The following PRDM1 variants were observed in gnomAD, a reference collection of about 807,000 sequenced individuals.
PRDM1 encodes PR/SET domain 1.
Under a neutral mutation model 62.8 loss-of-function variants are expected in PRDM1, and 13 were observed. The observed-to-expected ratio is 0.21, with a 90% CI of 0.13 to 0.33. The LOEUF (loss-of-function observed/expected upper bound fraction) is 0.33. Among genes scored for constraint, PRDM1 ranks in the 10% least tolerant of loss-of-function variants. The pLI, the probability that PRDM1 is intolerant of heterozygous loss-of-function variation, is 1.00. For missense variants in PRDM1, 895 were observed against 1,058.8 expected (o/e 0.85, Z 2.15); for synonymous variants, 396 against 417.6 (o/e 0.95, Z 0.63).
At chr6:106,087,659 C>T (rs923429576) in intron 1 of PRDM1, 3 of 232,560 alleles carry the variant, frequency 1.3e-5, no homozygotes, top group African/African-American at 2.2e-5. Context: ...AGTTGTTTTG[C>T]GTTGGGAGCT....
rs151256132 is a variant in PRDM1, at chr6:106,016,772, C to T, written c.-67+23133C>T. ...CAAGCGATTCTCCTGCCTCAGCCCC[C>T]GAGTGTCTGTGATAACAGGTGTGCG... is the stretch of plus-strand genomic sequence containing the variant. On this transcript the variant is annotated intron_variant, in intron 1 of 6. Transcript: ENST00000652320. 4.7e-3 allele frequency among the ~76,000 whole-genome samples: 717 copies of T among 152,034 alleles called. 10 individuals are homozygous for T. The highest frequency in any genetic ancestry group is 0.016 in the African/African-American group (673 of 41,438).
intron 4 of PRDM1, among the ~76,000 whole-genome samples, chr6:106,103,231 T>A (rs560725324): frequency 2.3e-4 from 35 of 152,196 alleles, no homozygotes; most frequent in African/African-American, 8.2e-4. Flanking sequence ...GGAGATAACA[T>A]TCTCTAAGGG....
upstream of PRDM1, chr6:106,046,092 G>C (rs923955798): frequency 3.3e-5 from 5 of 151,356 alleles, no homozygotes; most frequent in East Asian, 7.7e-4. Flanking sequence ...AGAGAAGAAG[G>C]GAAAAAAAAA....
intron 1 of PRDM1, among the ~76,000 whole-genome samples, chr6:106,039,339 A>C (rs896027897): frequency 6.6e-6 from 1 of 152,194 alleles, no homozygotes; most frequent in Non-Finnish European, 1.5e-5. Context: ...CAAGAGTATA[A>C]AACTATATTT....
intron 1 of PRDM1, among the ~76,000 whole-genome samples, chr6:106,042,117 T>C (rs1773005625): frequency 1.3e-5 from 2 of 151,304 alleles, no homozygotes; most frequent in South Asian, 4.2e-4. Context: ...CCCTTCATTA[T>C]ATATTTTGTA....
chr6:106,064,545 T>G (rs1051805626), intron 1 of PRDM1, among the ~76,000 whole-genome samples: 4 of 152,306 alleles, frequency 2.6e-5, no homozygotes, highest in African/African-American at 7.2e-5. Context: ...AGTGCAAGAA[T>G]GAGTACTTGT....
In PRDM1 at chr6:106,105,325, T is replaced by G. The variant is rs1297181071; in HGVS notation, c.1165T>G (p.Tyr389Asp). 6.2e-7 allele frequency: 1 copy of G among 1,612,914 alleles called. No individual in the cohort carries two copies. Among genetic ancestry groups the G allele is most frequent in the East Asian group, 2.2e-5 (1 of 44,842 alleles). ...ASYGTEGLGS[Y>D]PGYAPLPHLP... is the part of the protein sequence containing the mutation. ...CTACGGCACGGAAGGTTTGGGCTCC[T>G]ACCCTGGCTACGCACCCCTGCCCCA... The change falls in exon 5 of 7, where the codon TAC (tyrosine) becomes GAC (aspartate). Residue 389 changes from tyrosine to aspartate, a missense_variant. Coordinates refer to ENST00000369096, the MANE Select transcript of PRDM1 (RefSeq NM_001198.4).
chr6:106,047,306 A>G (rs1031161493), upstream of PRDM1, among the ~76,000 whole-genome samples: 5 of 152,232 alleles, frequency 3.3e-5, no homozygotes. Flanking sequence ...AGTTTATACA[A>G]TTTCTTGAGT....
intron 1 of PRDM1, among the ~76,000 whole-genome samples, chr6:106,018,534 TTTC>T (rs549466781): frequency 1.3e-3 from 192 of 152,376 alleles, no homozygotes; most frequent in African/African-American, 4.6e-3. Context: ...ATGGTCATGT[TTTC>T]TTCAGACTCT....
At chr6:106,097,558 T>C (rs763642335) in intron 3 of PRDM1, among the ~76,000 whole-genome samples, 1 of 152,224 alleles carries the variant, frequency 6.6e-6, no homozygotes, top group Non-Finnish European at 1.5e-5. Flanking sequence ...ACCAGTGACA[T>C]TTCTTGTAAC....
At chr6:106,011,556 T>G (rs1490643551) in intron 1 of PRDM1, among the ~76,000 whole-genome samples, 1 of 151,930 alleles carries the variant, frequency 6.6e-6, no homozygotes, top group Non-Finnish European at 1.5e-5. Context: ...CACTATACCC[T>G]CCTCCCTGAG....
chr6:106,098,933 C>G (rs1774188999), intron 3 of PRDM1: 1 of 1,521,442 alleles, frequency 6.6e-7, no homozygotes, highest in African/African-American at 1.4e-5. Flanking sequence ...ATAATCGGAA[C>G]TGAAGTCAGT....
intron 1 of PRDM1, among the ~76,000 whole-genome samples, chr6:106,066,357 G>C (rs1160707253): frequency 6.6e-6 from 1 of 152,050 alleles, no homozygotes; most frequent in Non-Finnish European, 1.5e-5. Context: ...AGGAGGGCTC[G>C]GTCACGTCAG....
chr6:106,012,769 C>G (rs180996502), intron 1 of PRDM1, among the ~76,000 whole-genome samples: 16 of 152,334 alleles, frequency 1.1e-4, no homozygotes, highest in Admixed American at 9.8e-4. Context: ...AGAGCGGAAC[C>G]TGAGTGATAC....
At position 106,086,514 on chromosome 6, in the gene PRDM1, A is replaced by C; in HGVS notation, c.-40A>C. 6.5e-7 allele frequency: 1 copy of C among 1,539,778 alleles called. No homozygotes were observed. The highest frequency in any genetic ancestry group is 1.2e-5 in the South Asian group (1 of 83,042). On this transcript the variant is annotated 5_prime_UTR_variant, in exon 1 of 7. Coordinates refer to ENST00000369096, the MANE Select transcript of PRDM1 (RefSeq NM_001198.4). ...GCTCAGCCTGGCGGGGGACGCGGGG[A>C]GAATGTGGACTGGGTAGAGATGAAC...
In PRDM1 at chr6:106,058,655, C is replaced by T. The variant is rs9486274; in HGVS notation, c.-67+9941C>T. Reference sequence around the variant, plus strand: ...TGGCGCAATCTCGGCTCACCGCAACCTCTGCCTCCTGGGTTCAAGTGATTC... The same window carrying T: ...TGGCGCAATCTCGGCTCACCGCAACTTCTGCCTCCTGGGTTCAAGTGATTC... On this transcript the variant is annotated intron_variant, in intron 1 of 6. Transcript: ENST00000651185. Among the ~76,000 whole-genome samples, 1,135 of 152,302 alleles carry T rather than the reference C, an allele frequency of 7.5e-3. 10 individuals are homozygous for T. Among genetic ancestry groups the T allele is most frequent in the African/African-American group, 0.026 (1,079 of 41,552 alleles).
chr6:106,013,911 A>T (rs2114552695), intron 1 of PRDM1, among the ~76,000 whole-genome samples: 1 of 152,042 alleles, frequency 6.6e-6, no homozygotes, highest in Middle Eastern at 3.4e-3. Flanking sequence ...TGCTGCTCCT[A>T]ACAAAAGGAG....
chr6:106,088,575 C>A, intron 2 of PRDM1, 126 bp downstream of exon 2: 2 of 1,044,062 alleles, frequency 1.9e-6, no homozygotes, highest in Non-Finnish European at 2.8e-6. Flanking sequence ...TAATTGATTG[C>A]TCTATTCAAT....
At chr6:106,080,852 T>C (rs893296827) in intron 1 of PRDM1, among the ~76,000 whole-genome samples, 1 of 152,168 alleles carries the variant, frequency 6.6e-6, no homozygotes, top group Non-Finnish European at 1.5e-5. Context: ...TAAAGCAGGG[T>C]TGCCCTTCAG....
Sources: gnomAD v4.1 joint callset for allele counts (sites outside exome capture counted in the v4.1 genomes callset) on GRCh38, gnomAD v4.1.1 for gene constraint, MANE v1.5 for transcripts, NCBI Gene and HGNC (gene_info 2026-07-23, HGNC 2026-07-21) for gene names.